Variants in GLMN observed in about 807,000 individuals in gnomAD.
The protein encoded by GLMN is glomulin.
In GLMN, 75 loss-of-function variants were observed where a neutral mutation model predicts 87.8. The observed-to-expected ratio is 0.85, with a 90% CI of 0.71 to 1.04. The LOEUF (loss-of-function observed/expected upper bound fraction) is 1.04, where lower values mean the gene tolerates loss of function less well. GLMN is among the 50% of genes least tolerant of loss of function. GLMN has a pLI of 0.00. For missense variants in GLMN, 588 were observed against 658.8 expected (o/e 0.89, Z 1.18); for synonymous variants, 206 against 221.6 (o/e 0.93, Z 0.63).
chr1:92,267,576 C>G (rs1188196584), intron 11 of GLMN, among the ~76,000 whole-genome samples: 2 of 151,610 alleles, frequency 1.3e-5, no homozygotes, highest in Admixed American at 1.3e-4. Flanking sequence ...TGGTGGCGGG[C>G]GCCTGTAGTC....
chr1:92,286,742 T>C, intron 6 of GLMN, 150 bp from the exon 7 acceptor site: 1 of 658,934 alleles, frequency 1.5e-6, no homozygotes, highest in Non-Finnish European at 2.7e-6. Flanking sequence ...TGTTGAAATT[T>C]AACTGCCATA....
Position 92,276,806 on chromosome 1 carries a change from C to T in GLMN, c.736-5154G>A, listed in dbSNP as rs1647351870. 2.0e-5 allele frequency among the ~76,000 whole-genome samples: 3 copies of T among 152,208 alleles called. No homozygotes were observed. The South Asian group carries it at 6.2e-4, about 32-fold the overall frequency. ...ATTATGTTTAGGACTTGTTATACTACAGCAAGAAAAGGAGGAGGACAGATA... is the reference window on the plus strand; with the variant it reads ...ATTATGTTTAGGACTTGTTATACTATAGCAAGAAAAGGAGGAGGACAGATA... On this transcript the variant is annotated intron_variant, in intron 7 of 18. Transcript: ENST00000370360.
chr1:92,359,832 A>C, the GLMN span, among the ~76,000 whole-genome samples: 1 of 152,348 alleles, frequency 6.6e-6, no homozygotes, highest in East Asian at 1.9e-4. Context: ...TGCAGAGTCA[A>C]GATGGGACAG....
the GLMN span, chr1:92,323,529 A>C: frequency 6.2e-7 from 1 of 1,613,870 alleles, no homozygotes; most frequent in South Asian, 1.1e-5. Flanking sequence ...TTGAAAAGCA[A>C]TATGAATCTA....
At position 92,288,995 on chromosome 1, in the gene GLMN, G is replaced by C; in HGVS notation, c.551C>G (p.Thr184Ser). 6.2e-7 allele frequency: 1 copy of C among 1,612,912 alleles called. No homozygotes were observed. Among genetic ancestry groups the C allele is most frequent in the Non-Finnish European group, 8.5e-7 (1 of 1,178,942 alleles). The stretch of plus-strand genomic sequence containing the variant: ...AATGACTTCTTCCACAAAAGGCTTA[G>C]TGAACTCTATTAAGGCCTTGCAACA... ...CQCCKALIEF[T>S]KPFVEEVIDN... is the part of the protein sequence containing the mutation. Residue 184 changes from threonine to serine, a missense_variant, in exon 6 of 19, where the codon ACT becomes AGT. Thr to Ser is a moderately conservative substitution (Grantham distance 58). Transcript: ENST00000370360.
At chr1:92,290,091 C>T (rs1160175160) in intron 5 of GLMN, 107 bp downstream of exon 5, 1 of 736,566 alleles carries the variant, frequency 1.4e-6, no homozygotes, top group East Asian at 2.5e-5. Context: ...AGAGTACTCA[C>T]TAATTAGCTG....
At chr1:92,278,050 T>C (rs1269011511) in intron 7 of GLMN, among the ~76,000 whole-genome samples, 1 of 152,126 alleles carries the variant, frequency 6.6e-6, no homozygotes, top group East Asian at 1.9e-4. Context: ...GGAATTGAAT[T>C]AGAGGACACC....
chr1:92,345,400 AAGAGAG>A, the GLMN span, among the ~76,000 whole-genome samples: 1 of 138,318 alleles, frequency 7.2e-6, no homozygotes, highest in African/African-American at 2.7e-5. Flanking sequence ...AAAAAAAAAA[AAGAGAG>A]AGAGAGAAGA....
the GLMN span, chr1:92,323,535 A>G: frequency 6.2e-7 from 1 of 1,613,802 alleles, no homozygotes; most frequent in South Asian, 1.1e-5. Context: ...AGCAATATGA[A>G]TCTAGTTCTT....
chr1:92,278,135 T>G (rs1304241937), intron 7 of GLMN, among the ~76,000 whole-genome samples: 2 of 152,132 alleles, frequency 1.3e-5, no homozygotes, highest in Non-Finnish European at 1.5e-5. Flanking sequence ...ACTCCATACA[T>G]CTGGTGTCAG....
At chr1:92,283,102 A>G (rs1648285239) in intron 7 of GLMN, among the ~76,000 whole-genome samples, 1 of 152,230 alleles carries the variant, frequency 6.6e-6, no homozygotes, top group South Asian at 2.1e-4. Context: ...ATAGAAAAAG[A>G]GGGAATCCTC....
the GLMN span, chr1:92,320,600 C>T: frequency 3.1e-6 from 5 of 1,610,868 alleles, no homozygotes; most frequent in Non-Finnish European, 2.5e-6. Context: ...TTATTACAGG[C>T]ATCCTGATTT....
chr1:92,354,535 T>C, the GLMN span, among the ~76,000 whole-genome samples: 1 of 152,346 alleles, frequency 6.6e-6, no homozygotes, highest in South Asian at 2.1e-4. Context: ...TTTTTTCTTT[T>C]GAATTAGAAA....
chr1:92,265,004 G>A (rs1655451767), intron 13 of GLMN, among the ~76,000 whole-genome samples: 3 of 152,084 alleles, frequency 2.0e-5, no homozygotes, highest in Admixed American at 6.6e-5. Flanking sequence ...ACCGTGCCTG[G>A]CTAATTTTTT....
At chr1:92,273,441 GTTT>G (rs563200839) in intron 7 of GLMN, among the ~76,000 whole-genome samples, 3 of 109,418 alleles carry the variant, frequency 2.7e-5, no homozygotes, top group Non-Finnish European at 3.7e-5. Context: ...AGGTAGCCCT[GTTT>G]TTTTTTTTTT....
intron 5 of GLMN, among the ~76,000 whole-genome samples, chr1:92,289,736 T>C (rs1649181914): frequency 6.6e-6 from 1 of 152,126 alleles, no homozygotes; most frequent in Non-Finnish European, 1.5e-5. Flanking sequence ...TCATCCCATA[T>C]CTCCTCGTTT....
the GLMN span, among the ~76,000 whole-genome samples, chr1:92,369,048 T>G: frequency 6.6e-6 from 1 of 152,234 alleles, no homozygotes; most frequent in Admixed American, 6.5e-5. Context: ...ATAGCCTGTG[T>G]TAAGCCATCT....
chr1:92,338,257 T>C, the GLMN span, among the ~76,000 whole-genome samples: 1 of 152,222 alleles, frequency 6.6e-6, no homozygotes, highest in African/African-American at 2.4e-5. Flanking sequence ...TTAGGTGTCA[T>C]GAAAACTATG....
the GLMN span, among the ~76,000 whole-genome samples, chr1:92,328,384 T>C: frequency 6.6e-6 from 1 of 152,224 alleles, no homozygotes; most frequent in Admixed American, 6.5e-5. Flanking sequence ...ACTGGGTTAA[T>C]TCAAAAGCCT....
Sources: allele counts gnomAD v4.1 joint callset (sites outside exome capture counted in the v4.1 genomes callset), GRCh38; gene constraint gnomAD v4.1.1; transcripts MANE v1.5; gene names NCBI Gene and HGNC (gene_info 2026-07-23, HGNC 2026-07-21).